CCDC39: variants seen among roughly 807,000 people sequenced by gnomAD.
CCDC39 encodes coiled-coil domain 39 molecular ruler complex subunit, also known as coiled-coil domain-containing protein 39.
In CCDC39, 113 loss-of-function variants were observed where a neutral mutation model predicts 121.0. The ratio of observed to expected loss-of-function variants is 0.93; its 90% CI spans 0.80 to 1.09. The LOEUF (loss-of-function observed/expected upper bound fraction) is 1.09. CCDC39 is among the 50% of genes least tolerant of loss of function. CCDC39 has a pLI of 0.00. For synonymous variants in CCDC39, 349 were observed against 352.2 expected (o/e 0.99, Z 0.10); for missense variants, 1,063 against 1,074.7 (o/e 0.99, Z 0.15).
intron 1 of CCDC39, among the ~76,000 whole-genome samples, chr3:180,674,492 T>C (rs899816689): frequency 3.2e-4 from 48 of 152,236 alleles, no homozygotes; most frequent in African/African-American, 1.1e-3. Context: ...CCTGATTGCC[T>C]TGGCCAGAAC....
chr3:180,677,761 A>C (rs1441723743), intron 1 of CCDC39, among the ~76,000 whole-genome samples: 1 of 152,146 alleles, frequency 6.6e-6, no homozygotes, highest in Non-Finnish European at 1.5e-5. Flanking sequence ...CTGTATACCA[A>C]GATGTCTGAA....
At chr3:180,656,777 G>A (rs547628446) in intron 6 of CCDC39, among the ~76,000 whole-genome samples, 112 of 152,284 alleles carry the variant, frequency 7.4e-4, no homozygotes, top group African/African-American at 2.6e-3. Flanking sequence ...CATTTTCACT[G>A]CTTATTATAT....
intron 15 of CCDC39, among the ~76,000 whole-genome samples, 157 bp downstream of exon 15, chr3:180,619,654 A>G (rs1717369299): frequency 1.0e-3 from 1 of 954 alleles, no homozygotes; most frequent in Admixed American, 5.3e-3. Flanking sequence ...ACCACTTAGA[A>G]AAAAAAATGT....
Position 180,653,445 on chromosome 3 carries a change from C to T in CCDC39, c.931-1179G>A, listed in dbSNP as rs140546393. Among the ~76,000 whole-genome samples, 716 of 152,250 alleles carry T rather than the reference C, an allele frequency of 4.7e-3. 7 individuals carry two copies. The Middle Eastern group carries it at 0.061, about 13-fold the overall frequency. On this transcript the variant is annotated intron_variant, in intron 7 of 19. Transcript: ENST00000476379. ...TAGATATGCCTATAATCTGTCATAG[C>T]CTGTATATACTGGATTTTCAAATTC... is the stretch of plus-strand genomic sequence containing the variant.
chr3:180,618,738 C>T (rs1469511119), intron 16 of CCDC39, among the ~76,000 whole-genome samples: 10 of 152,214 alleles, frequency 6.6e-5, no homozygotes, highest in Non-Finnish European at 1.2e-4. Flanking sequence ...GATATGAACT[C>T]ATCCTTTTTT....
At chr3:180,648,882 T>C (rs1321176944) in intron 9 of CCDC39, among the ~76,000 whole-genome samples, 1 of 152,148 alleles carries the variant, frequency 6.6e-6, no homozygotes, top group Non-Finnish European at 1.5e-5. Flanking sequence ...AATTTCCTGC[T>C]ACTAACATGA....
At chr3:180,616,199 C>G in intron 19 of CCDC39, 82 bp downstream of exon 19, 2 of 1,162,860 alleles carry the variant, frequency 1.7e-6, no homozygotes, top group Non-Finnish European at 2.6e-6. Flanking sequence ...TGCCTAACAG[C>G]TGCGGTGATG....
rs998131012 is a variant in CCDC39 at position 180,679,339 on chromosome 3, C to CCCA, written c.39_41dup (p.Gly14dup). ...CCTCGTTCGCCACCGGGATGGCGAACCCATCCTCCCAGTGCAGCTCAGCCA... is the reference window on the plus strand; with the variant it reads ...CCTCGTTCGCCACCGGGATGGCGAACCCACCATCCTCCCAGTGCAGCTCAGCCA... On this transcript the variant is annotated inframe_insertion, in exon 1 of 20. Coordinates refer to ENST00000476379, the MANE Select transcript of CCDC39 (RefSeq NM_181426.2). This position sits in a 1 kb window ranked among gnomAD's most constrained non-coding sequence, Gnocchi z 4.0. 8.7e-6 allele frequency: 14 copies of CCCA among 1,613,792 alleles called. No individual in the cohort carries two copies. The highest frequency in any genetic ancestry group is 1.1e-5 in the Non-Finnish European group (13 of 1,179,846).
At chr3:180,635,662 A>C (rs1385076535) in intron 13 of CCDC39, among the ~76,000 whole-genome samples, 2 of 152,088 alleles carry the variant, frequency 1.3e-5, no homozygotes, top group African/African-American at 2.4e-5. Flanking sequence ...ACACTGATAC[A>C]TGGGGTGGGC....
intron 6 of CCDC39, among the ~76,000 whole-genome samples, chr3:180,656,337 T>C (rs895416511): frequency 5.3e-5 from 8 of 152,228 alleles, no homozygotes; most frequent in African/African-American, 1.7e-4. Context: ...TTAAAACTTC[T>C]ACACTGTAAT....
chr3:180,631,115 A>G (rs1717681950), intron 14 of CCDC39, among the ~76,000 whole-genome samples: 1 of 152,212 alleles, frequency 6.6e-6, no homozygotes, highest in Non-Finnish European at 1.5e-5. Context: ...CATTCTGCAA[A>G]TAATAGCAAA....
intron 9 of CCDC39, among the ~76,000 whole-genome samples, chr3:180,650,712 C>G (rs1718180080): frequency 6.6e-6 from 1 of 151,466 alleles, no homozygotes; most frequent in Non-Finnish European, 1.5e-5. Context: ...CAAAAATTAG[C>G]CAGGTGTGGT....
At chr3:180,668,075 C>G (rs1167204686) in intron 1 of CCDC39, among the ~76,000 whole-genome samples, 1 of 152,044 alleles carries the variant, frequency 6.6e-6, no homozygotes, top group Non-Finnish European at 1.5e-5. Flanking sequence ...ATGGCAACAC[C>G]CAGAAGTTAT....
At chr3:180,624,445 A>G (rs142338392) in intron 14 of CCDC39, among the ~76,000 whole-genome samples, 1 of 151,360 alleles carries the variant, frequency 6.6e-6, no homozygotes. Context: ...TGTTCCTGTC[A>G]TATTTTCAAC....
chr3:180,665,083 T>C (rs974286409), intron 1 of CCDC39, among the ~76,000 whole-genome samples: 5 of 152,134 alleles, frequency 3.3e-5, no homozygotes, highest in Non-Finnish European at 7.4e-5. Context: ...ACCATAAATG[T>C]GAATAGTCGC....
intron 13 of CCDC39, among the ~76,000 whole-genome samples, chr3:180,634,108 C>T (rs1450442314): frequency 2.6e-5 from 4 of 152,150 alleles, no homozygotes; most frequent in African/African-American, 9.7e-5. Flanking sequence ...ACTCCTTGCT[C>T]CCCAGCAAGC....
In CCDC39 at chr3:180,626,543, C is replaced by T. The variant is rs547988083; in HGVS notation, c.1998+4926G>A. Among the ~76,000 whole-genome samples the T allele has an allele frequency of 5.9e-5, 9 of 152,236 alleles. No homozygotes were observed. The East Asian group carries it at 7.7e-4, about 13-fold the overall frequency. On this transcript the variant is annotated intron_variant, in intron 14 of 19. Transcript: ENST00000476379. ...GCAGCCATAGTGGGACAGCAGGAATCGTCACCAGAGTACATGGGAGTGCCT... is the reference window on the plus strand; with the variant it reads ...GCAGCCATAGTGGGACAGCAGGAATTGTCACCAGAGTACATGGGAGTGCCT...
intron 11 of CCDC39, among the ~76,000 whole-genome samples, chr3:180,645,666 G>C (rs1447998678): frequency 6.6e-6 from 1 of 152,134 alleles, no homozygotes. Flanking sequence ...AAATGAGATG[G>C]AGTGGCATGT....
intron 9 of CCDC39, 131 bp downstream of exon 9, chr3:180,651,270 A>G: frequency 1.5e-6 from 1 of 687,284 alleles, no homozygotes; most frequent in Non-Finnish European, 2.4e-6. Flanking sequence ...CCAAAACCAG[A>G]TTATAAATGT....
Sources: allele counts gnomAD v4.1 joint callset (sites outside exome capture counted in the v4.1 genomes callset), GRCh38; gene constraint gnomAD v4.1.1; non-coding constraint Gnocchi (gnomAD v3.1); transcripts MANE v1.5; gene names NCBI Gene and HGNC (gene_info 2026-07-23, HGNC 2026-07-21).